The following CACNG3 variants were observed in gnomAD, a reference collection of about 807,000 sequenced individuals.
CACNG3 encodes the protein calcium voltage-gated channel auxiliary subunit gamma 3, also known as voltage-dependent calcium channel gamma-3 subunit.
CACNG3 carries 3 observed loss-of-function variants against 28.5 expected under a neutral mutation model. The observed-to-expected ratio is 0.11, with a 90% confidence interval of 0.05 to 0.27. The LOEUF is 0.27. CACNG3 is among the 10% of genes least tolerant of loss of function. The pLI is 1.00. For synonymous variants in CACNG3, 174 were observed against 162.2 expected (o/e 1.07, Z -0.55); for missense variants, 236 against 414.4 (o/e 0.57, Z 3.74).
intron 1 of CACNG3, among the ~76,000 whole-genome samples, chr16:24,287,514 CAAAAAAAA>C (rs748719520): frequency 3.2e-5 from 1 of 31,316 alleles, no homozygotes; most frequent in African/African-American, 1.1e-4. Flanking sequence ...CGAGACTCTC[CAAAAAAAA>C]AAAAAAAAAA....
In CACNG3 at chr16:24,277,739, C is replaced by T. The variant is rs188909404; in HGVS notation, c.211+20774C>T. Among the ~76,000 whole-genome samples the T allele has an allele frequency of 2.0e-5, 3 of 146,408 alleles. No homozygotes were observed. The Admixed American group carries it at 2.1e-4, about 10-fold the overall frequency. ...AGGTTACAGTGAGCAGAGATTGCAC[C>T]ACTGCACTCCAGTCTGGGTGACAGA... On this transcript the variant is annotated intron_variant, in intron 1 of 3. Transcript: ENST00000005284.
chr16:24,266,447 G>T (rs1898609549), intron 1 of CACNG3, among the ~76,000 whole-genome samples: 1 of 152,174 alleles, frequency 6.6e-6, no homozygotes, highest in Admixed American at 6.5e-5. Context: ...GCTTAGAAGT[G>T]AAACTGAGGG....
intron 1 of CACNG3, among the ~76,000 whole-genome samples, chr16:24,265,351 G>GAAAGA (rs758063526): frequency 4.5e-5 from 1 of 22,360 alleles, no homozygotes; most frequent in African/African-American, 5.1e-4. Context: ...AAAGAAAAAG[G>GAAAGA]AAAGAAAGAA....
chr16:24,317,748 G>A (rs767735846), intron 1 of CACNG3, among the ~76,000 whole-genome samples: 2 of 151,816 alleles, frequency 1.3e-5, no homozygotes, highest in Non-Finnish European at 2.9e-5. Context: ...GCTGAACCTC[G>A]GGTCCCACCC....
intron 1 of CACNG3, among the ~76,000 whole-genome samples, chr16:24,281,278 C>T (rs1898823880): frequency 6.6e-6 from 1 of 152,148 alleles, no homozygotes; most frequent in Non-Finnish European, 1.5e-5. Flanking sequence ...TCGCTGTAAT[C>T]TCGACCTCCT....
At chr16:24,315,122 C>G (rs1464093794) in intron 1 of CACNG3, among the ~76,000 whole-genome samples, 1 of 152,106 alleles carries the variant, frequency 6.6e-6, no homozygotes, top group Non-Finnish European at 1.5e-5. Context: ...ATCCCTGGTG[C>G]CTTTGCAATG....
intron 1 of CACNG3, among the ~76,000 whole-genome samples, chr16:24,257,835 A>T (rs1350690082): frequency 1.3e-5 from 2 of 152,238 alleles, no homozygotes; most frequent in Admixed American, 6.5e-5. Context: ...ATTTAAAAAT[A>T]TAAAGCCCTT....
intron 1 of CACNG3, among the ~76,000 whole-genome samples, chr16:24,285,843 T>C (rs1898885967): frequency 8.5e-6 from 1 of 118,086 alleles, no homozygotes; most frequent in Non-Finnish European, 1.7e-5. Context: ...TTTCTTTCTT[T>C]TCTTTTTTTT....
At chr16:24,351,023 A>G (rs1469065024) in intron 2 of CACNG3, among the ~76,000 whole-genome samples, 3 of 152,194 alleles carry the variant, frequency 2.0e-5, no homozygotes, top group African/African-American at 7.2e-5. Context: ...CTTGGGAGCT[A>G]AAGGAACCAG....
At chr16:24,301,056 A>AAAAG (rs1446081589) in intron 1 of CACNG3, among the ~76,000 whole-genome samples, 4 of 150,596 alleles carry the variant, frequency 2.7e-5, no homozygotes, top group African/African-American at 9.8e-5. Context: ...AAAAAAAAAA[A>AAAAG]AAAAATTAGT....
intron 1 of CACNG3, among the ~76,000 whole-genome samples, chr16:24,299,548 C>T (rs546403112): frequency 6.6e-6 from 1 of 152,290 alleles, no homozygotes; most frequent in African/African-American, 2.4e-5. Flanking sequence ...GTGCTCATTG[C>T]TATTGGGATA....
intron 1 of CACNG3, among the ~76,000 whole-genome samples, chr16:24,322,239 T>A (rs1181211646): frequency 6.6e-6 from 1 of 152,076 alleles, no homozygotes; most frequent in African/African-American, 2.4e-5. Context: ...TCAGCATCAC[T>A]CCTTCGTTAG....
intron 1 of CACNG3, among the ~76,000 whole-genome samples, chr16:24,300,866 A>G (rs1026512935): frequency 2.0e-5 from 3 of 152,088 alleles, no homozygotes; most frequent in Non-Finnish European, 4.4e-5. Flanking sequence ...AGCTTGGCCA[A>G]CATGAAACCC....
In CACNG3 at chr16:24,346,829, G is replaced by A. The variant is rs768070765; in HGVS notation, c.295+12G>A. The stretch of plus-strand genomic sequence containing the variant: ...CGAATATCTCCTGCGTAAGTTCCCC[G>A]GCTTCTCGGGTCTCTCTGGGAGGAA... On this transcript the variant is annotated intron_variant, in intron 2 of 3. Transcript: ENST00000005284. 25 of 1,608,696 alleles carry A rather than the reference G, an allele frequency of 1.6e-5. No individual in the cohort carries two copies. Among genetic ancestry groups the A allele is most frequent in the East Asian group, 1.3e-4 (6 of 44,870 alleles).
intron 3 of CACNG3, 103 bp downstream of exon 3, chr16:24,355,076 C>A (rs1338315367): frequency 1.7e-6 from 2 of 1,148,948 alleles, no homozygotes; most frequent in Non-Finnish European, 2.5e-6. Context: ...AGGGAAGGAG[C>A]AAGAAAATGT....
intron 1 of CACNG3, among the ~76,000 whole-genome samples, chr16:24,263,595 C>A (rs939358799): frequency 3.9e-4 from 59 of 152,048 alleles, no homozygotes; most frequent in African/African-American, 1.4e-3. Context: ...ATAGCAGGGG[C>A]TTTGGGAGCA....
intron 1 of CACNG3, among the ~76,000 whole-genome samples, chr16:24,291,137 T>C (rs919558701): frequency 6.6e-6 from 1 of 152,204 alleles, no homozygotes; most frequent in Non-Finnish European, 1.5e-5. Context: ...AGGGTTCTTA[T>C]GGAAATCAAA....
In CACNG3 at chr16:24,256,450, C is replaced by A. The variant is rs1004054984; in HGVS notation, c.-305C>A. 2.4e-5 allele frequency: 9 copies of A among 370,572 alleles called. No homozygotes were observed. The highest frequency in any genetic ancestry group is 1.4e-4 in the African/African-American group (7 of 48,596). 23.0% of individuals were successfully genotyped at this position (370,572 alleles called of 1,614,324 possible). A position where few individuals can be genotyped will look rare whatever the true frequency, so the allele number is the denominator to read the frequency against. On this transcript the variant is annotated 5_prime_UTR_variant, in exon 1 of 4. Transcript: ENST00000005284. The surrounding 1 kb of genome is among the most constrained non-coding windows in gnomAD (Gnocchi z 4.6). ...CCAGGCTCCGGAGCCATGCCCTGCA[C>A]GGACCCTCGTCTTTACCACGCTCCT...
chr16:24,323,723 A>T (rs930007393), intron 1 of CACNG3, among the ~76,000 whole-genome samples: 8 of 152,204 alleles, frequency 5.3e-5, no homozygotes, highest in African/African-American at 1.9e-4. Flanking sequence ...GGGCAGAGGG[A>T]AGAAGAATAA....
Sources: allele counts gnomAD v4.1 joint callset (sites outside exome capture counted in the v4.1 genomes callset), GRCh38; gene constraint gnomAD v4.1.1; non-coding constraint Gnocchi (gnomAD v3.1); transcripts MANE v1.5; gene names NCBI Gene and HGNC (gene_info 2026-07-23, HGNC 2026-07-21).